BLACAT1: variants seen among roughly 807,000 people sequenced by gnomAD.
BLACAT1 encodes bladder cancer associated transcript 1.
At position 205,447,207 on chromosome 1, in the gene BLACAT1, G is replaced by A. The variant is rs143893447; in HGVS notation, c.-36-6145C>T. Among the ~76,000 whole-genome samples the A allele has an allele frequency of 2.0e-3, 301 of 152,310 alleles. 1 individual carries two copies. The highest frequency in any genetic ancestry group is 5.4e-3 in the East Asian group (28 of 5,184). ...TGTGCTCCTTCCTATCCATATGAAC[G>A]TGGGCCAATTTCTTAGCTCCCTGTG... On this transcript the variant is annotated intron_variant, in intron 1 of 1. Coordinates refer to ENST00000629624, the Ensembl canonical transcript of BLACAT1.
exon 2 of BLACAT1, chr1:205,440,748 G>A (rs1666279307): frequency 6.6e-6 from 1 of 152,610 alleles, no homozygotes; most frequent in Non-Finnish European, 1.5e-5. Context: ...TGGGCATGAG[G>A]AGGATGAGAG....
chr1:205,435,864 C>T (rs947551611), downstream of BLACAT1: 1 of 152,234 alleles, frequency 6.6e-6, no homozygotes, highest in Non-Finnish European at 1.5e-5. Context: ...CCCTGTTAAA[C>T]AGTTCCCCCT....
At chr1:205,436,486 C>G (rs1342330108), downstream of BLACAT1, 1 of 144,434 alleles carries the variant, frequency 6.9e-6, no homozygotes, top group East Asian at 2.1e-4. Flanking sequence ...ATAACCCCGG[C>G]ACAGTGGGCA....
At chr1:205,435,055 G>A (rs528481237), downstream of BLACAT1, 33 of 152,304 alleles carry the variant, frequency 2.2e-4, no homozygotes, top group African/African-American at 7.5e-4. Flanking sequence ...AGCCACCCCA[G>A]GAAACTTAAC....
downstream of BLACAT1, chr1:205,437,428 C>T (rs1239702530): frequency 6.6e-6 from 1 of 152,320 alleles, no homozygotes. Context: ...GGCCAACTGA[C>T]TTACTCCCCT....
chr1:205,449,669 A>G (rs1251267114), intron 1 of BLACAT1, among the ~76,000 whole-genome samples: 1 of 152,044 alleles, frequency 6.6e-6, no homozygotes, highest in Non-Finnish European at 1.5e-5. Context: ...ACAACCAGGC[A>G]TCCTGCGGCC....
downstream of BLACAT1, chr1:205,437,641 A>C (rs1030906017): frequency 6.6e-6 from 1 of 152,252 alleles, no homozygotes; most frequent in Non-Finnish European, 1.5e-5. Context: ...GGCAGAGGAA[A>C]CCTGCGACCC....
At chr1:205,436,398 G>C (rs1022365050), downstream of BLACAT1, 1 of 152,196 alleles carries the variant, frequency 6.6e-6, no homozygotes, top group Non-Finnish European at 1.5e-5. Context: ...AAGAGTCAAG[G>C]TTCCTGTTTC....
chr1:205,453,773 T>C (rs1043138393), intron 1 of BLACAT1, among the ~76,000 whole-genome samples: 2 of 152,160 alleles, frequency 1.3e-5, no homozygotes, highest in Admixed American at 6.5e-5. Flanking sequence ...AGGGAGGTTC[T>C]TGTGTTACAA....
intron 1 of BLACAT1, among the ~76,000 whole-genome samples, chr1:205,455,069 G>A (rs1016137182): frequency 3.3e-5 from 5 of 152,030 alleles, no homozygotes; most frequent in African/African-American, 4.8e-5. Context: ...CTTGTTCCCC[G>A]GGGGCACCCT....
chr1:205,442,498 G>A (rs568749003), intron 1 of BLACAT1, among the ~76,000 whole-genome samples: 15 of 152,300 alleles, frequency 9.8e-5, no homozygotes. Context: ...ACAGAGCCAA[G>A]GCCCACACCA....
At chr1:205,454,008 A>T (rs1028628900) in intron 1 of BLACAT1, among the ~76,000 whole-genome samples, 6 of 152,114 alleles carry the variant, frequency 3.9e-5, no homozygotes, top group Non-Finnish European at 8.8e-5. Context: ...ATGGTGCCCC[A>T]GCCCAAAGAA....
At position 205,454,569 on chromosome 1, in the gene BLACAT1, C is replaced by T. The variant is rs890179148; in HGVS notation, c.-37+1348G>A. Among the ~76,000 whole-genome samples the T allele has an allele frequency of 3.3e-5, 5 of 150,780 alleles. No homozygotes were observed. The Admixed American group carries it at 3.3e-4, about 10-fold the overall frequency. ...GTGTGTGAGAGAGAGAGAGAGAGAT[C>T]CTCTTTTCCTGCCTCTGTGGCAGCC... On this transcript the variant is annotated intron_variant, in intron 1 of 1. Transcript: ENST00000629624.
chr1:205,439,931 A>G (rs1666265595), exon 2 of BLACAT1, among the ~76,000 whole-genome samples: 1 of 151,650 alleles, frequency 6.6e-6, no homozygotes, highest in East Asian at 1.9e-4. Flanking sequence ...GGCTGGGGGT[A>G]AGGGCAGAGG....
chr1:205,435,871 C>T (rs537793691), downstream of BLACAT1: 1 of 152,324 alleles, frequency 6.6e-6, no homozygotes, highest in African/African-American at 2.4e-5. Flanking sequence ...AAACAGTTCC[C>T]CCTGGCTGAG....
exon 2 of BLACAT1, among the ~76,000 whole-genome samples, chr1:205,440,039 C>T (rs1439350040): frequency 6.6e-6 from 1 of 152,096 alleles, no homozygotes; most frequent in Admixed American, 6.6e-5. Context: ...GAAGGCACCA[C>T]ATATGAACGC....
Position 205,448,300 on chromosome 1 carries a change from A to G in BLACAT1, c.-36-7238T>C, listed in dbSNP as rs1413983885. On this transcript the variant is annotated intron_variant, in intron 1 of 1. Coordinates refer to ENST00000629624, the Ensembl canonical transcript of BLACAT1. The surrounding 1 kb of genome is among the most constrained non-coding windows in gnomAD (Gnocchi z 4.7). Reference sequence around the variant, plus strand: ...CATGGGAGGTGCAGCTGCGCAGGAGAAGGAGCTCGCCCCTCACTGTAGCCC... The same window carrying G: ...CATGGGAGGTGCAGCTGCGCAGGAGGAGGAGCTCGCCCCTCACTGTAGCCC... The G allele has an allele frequency of 1.9e-6, 1 of 528,858 alleles. No individual in the cohort carries two copies. Among genetic ancestry groups the G allele is most frequent in the Non-Finnish European group, 3.9e-6 (1 of 255,410 alleles). 32.8% of individuals were successfully genotyped at this position (528,858 alleles called of 1,614,324 possible).
At chr1:205,451,878 C>T (rs969591204) in intron 1 of BLACAT1, among the ~76,000 whole-genome samples, 2 of 152,132 alleles carry the variant, frequency 1.3e-5, no homozygotes, top group Non-Finnish European at 2.9e-5. Context: ...GAGGCTACAA[C>T]TTGCCTGGAT....
At chr1:205,447,562 G>A (rs988859123) in intron 1 of BLACAT1, among the ~76,000 whole-genome samples, 2 of 152,182 alleles carry the variant, frequency 1.3e-5, no homozygotes, top group African/African-American at 2.4e-5. Context: ...GCTAAAATCA[G>A]GCCGATTTAA....
Sources: gnomAD v4.1 joint callset for allele counts (sites outside exome capture counted in the v4.1 genomes callset) on GRCh38, gnomAD v4.1.1 for gene constraint, Gnocchi (gnomAD v3.1) non-coding constraint, MANE v1.5 for transcripts, NCBI Gene and HGNC (gene_info 2026-07-23, HGNC 2026-07-21) for gene names.